Variants in MYO18B observed in about 807,000 individuals in gnomAD.
MYO18B encodes myosin XVIIIB.
A neutral mutation model predicts 273.0 loss-of-function variants in MYO18B; 204 were observed. That is an observed-to-expected ratio of 0.75 (90% CI 0.67 to 0.84). The LOEUF is 0.84. Ranked by LOEUF, MYO18B falls within the 40% of genes least tolerant of loss-of-function variation. The pLI, the probability that MYO18B is intolerant of heterozygous loss-of-function variation, is 0.00. For synonymous variants in MYO18B, 1,330 were observed against 1,305.7 expected (o/e 1.02, Z -0.40); for missense variants, 3,212 against 3,287.6 (o/e 0.98, Z 0.56).
intron 10 of MYO18B, 40 bp from the exon 11 acceptor site, chr22:25,785,388 G>T: frequency 1.9e-6 from 3 of 1,575,526 alleles, no homozygotes; most frequent in Non-Finnish European, 2.6e-6. Context: ...GGGCTGGTGT[G>T]GACAGCCCCC....
chr22:25,834,545 G>A (rs2089829922), intron 16 of MYO18B, among the ~76,000 whole-genome samples: 1 of 152,188 alleles, frequency 6.6e-6, no homozygotes, highest in East Asian at 1.9e-4. Context: ...CTTTAGCACT[G>A]AAAGTTTCAT....
At chr22:26,014,512 C>A (rs1337908723) in intron 42 of MYO18B, among the ~76,000 whole-genome samples, 4 of 152,140 alleles carry the variant, frequency 2.6e-5, no homozygotes, top group Non-Finnish European at 5.9e-5. Flanking sequence ...CCTTTTGAGT[C>A]CTGGCTGCTT....
At chr22:25,793,615 G>A (rs1329129892) in intron 11 of MYO18B, among the ~76,000 whole-genome samples, 1 of 152,158 alleles carries the variant, frequency 6.6e-6, no homozygotes, top group Admixed American at 6.5e-5. Flanking sequence ...ACATGGTTGG[G>A]AGTGCAGAGT....
chr22:26,013,182 G>A (rs1935050191), intron 42 of MYO18B, among the ~76,000 whole-genome samples: 1 of 152,142 alleles, frequency 6.6e-6, no homozygotes, highest in Non-Finnish European at 1.5e-5. Flanking sequence ...GTCTATGTCA[G>A]TGGTTCTCAA....
chr22:26,047,475 G>T, the MYO18B span, among the ~76,000 whole-genome samples: 1 of 152,124 alleles, frequency 6.6e-6, no homozygotes, highest in Non-Finnish European at 1.5e-5. Context: ...GCTACAAAAA[G>T]GCATGACTAT....
chr22:25,772,603 A>G, intron 7 of MYO18B, 93 bp downstream of exon 7: 2 of 1,287,806 alleles, frequency 1.6e-6, no homozygotes, highest in Non-Finnish European at 2.1e-6. Flanking sequence ...TAGAACCATC[A>G]GAGCCCCCAG....
chr22:25,983,233 G>A (rs1601750943), intron 39 of MYO18B: 1 of 152,304 alleles, frequency 6.6e-6, no homozygotes, highest in East Asian at 1.9e-4. Flanking sequence ...AGTGGATGTG[G>A]TGATGTGCAC....
intron 42 of MYO18B, among the ~76,000 whole-genome samples, chr22:26,011,359 C>G (rs1016552672): frequency 6.6e-6 from 1 of 152,158 alleles, no homozygotes; most frequent in South Asian, 2.1e-4. Context: ...TGGCCTAAGT[C>G]AGTCTTCTCA....
chr22:25,911,113 C>G, intron 33 of MYO18B, 63 bp downstream of exon 33: 1 of 1,232,342 alleles, frequency 8.1e-7, no homozygotes, highest in Non-Finnish European at 1.2e-6. Context: ...GAGAGATGGG[C>G]TCATGGAGAG....
At chr22:25,816,822 T>C (rs1443829022) in intron 12 of MYO18B, among the ~76,000 whole-genome samples, 1 of 152,226 alleles carries the variant, frequency 6.6e-6, no homozygotes, top group Non-Finnish European at 1.5e-5. Context: ...CTGTAGCAGC[T>C]ACAGCCTTTT....
intron 11 of MYO18B, among the ~76,000 whole-genome samples, chr22:25,793,492 G>C (rs1297077055): frequency 1.3e-5 from 2 of 152,086 alleles, no homozygotes; most frequent in African/African-American, 2.4e-5. Context: ...TTCCACCCTG[G>C]CCTCTCAAAG....
At chr22:26,000,238 T>A (rs1011342831) in intron 40 of MYO18B, among the ~76,000 whole-genome samples, 2 of 151,940 alleles carry the variant, frequency 1.3e-5, no homozygotes, top group Non-Finnish European at 2.9e-5. Flanking sequence ...GTTTCAAACG[T>A]CCTCCTTATT....
intron 34 of MYO18B, among the ~76,000 whole-genome samples, chr22:25,939,405 G>A (rs1218866683): frequency 1.3e-5 from 2 of 152,186 alleles, no homozygotes; most frequent in African/African-American, 2.4e-5. Context: ...GTTCCATCTT[G>A]TATTCTTAGG....
chr22:25,990,134 C>G (rs1377118440), intron 39 of MYO18B, among the ~76,000 whole-genome samples: 1 of 151,934 alleles, frequency 6.6e-6, no homozygotes, highest in Non-Finnish European at 1.5e-5. Context: ...CCTGCTGCCT[C>G]TCTCTCTCTC....
At chr22:26,033,996 C>G (rs1936728405), downstream of MYO18B, among the ~76,000 whole-genome samples, 1 of 151,102 alleles carries the variant, frequency 6.6e-6, no homozygotes, top group Non-Finnish European at 1.5e-5. Flanking sequence ...TCTTGTCACC[C>G]AGGTTGGAGT....
intron 21 of MYO18B, among the ~76,000 whole-genome samples, chr22:25,856,346 G>A (rs2090573839): frequency 6.6e-6 from 1 of 152,192 alleles, no homozygotes; most frequent in Admixed American, 6.5e-5. Flanking sequence ...AGCCCTCTGA[G>A]GGCAGGCAAA....
intron 21 of MYO18B, among the ~76,000 whole-genome samples, chr22:25,857,451 C>A (rs1357907416): frequency 6.7e-6 from 1 of 150,350 alleles, no homozygotes; most frequent in East Asian, 2.1e-4. Flanking sequence ...CCCACCCTGG[C>A]AGACACTCCC....
At chr22:26,010,190 G>C (rs551833306) in intron 42 of MYO18B, among the ~76,000 whole-genome samples, 2 of 151,714 alleles carry the variant, frequency 1.3e-5, no homozygotes, top group African/African-American at 2.4e-5. Context: ...ATCCCCCACT[G>C]CCAACACCTT....
chr22:25,992,340 G>A (rs773087796), intron 39 of MYO18B, 23 bp from the exon 40 acceptor site: 1 of 1,612,770 alleles, frequency 6.2e-7, no homozygotes, highest in East Asian at 2.2e-5. Flanking sequence ...AGGCCAACGT[G>A]TGTTTGCATC....
Sources: gnomAD v4.1 joint callset for allele counts (sites outside exome capture counted in the v4.1 genomes callset) on GRCh38, gnomAD v4.1.1 for gene constraint, MANE v1.5 for transcripts, NCBI Gene and HGNC (gene_info 2026-07-23, HGNC 2026-07-21) for gene names.